The following RANBP2 variants were observed in gnomAD, a reference collection of about 807,000 sequenced individuals.
RANBP2 encodes E3 SUMO-protein ligase RanBP2.
In RANBP2, 57 loss-of-function variants were observed where a neutral mutation model predicts 303.6. The observed-to-expected ratio is 0.19, with a 90% CI of 0.15 to 0.23. The LOEUF is 0.23. Ranked by LOEUF, RANBP2 falls within the 10% of genes least tolerant of loss-of-function variation. The pLI is 1.00. For missense variants in RANBP2, 3,138 were observed against 3,780.8 expected (o/e 0.83, Z 4.46); for synonymous variants, 1,167 against 1,301.5 (o/e 0.90, Z 2.23).
At chr2:108,858,115 G>A in the RANBP2 span, among the ~76,000 whole-genome samples, 1 of 152,124 alleles carries the variant, frequency 6.6e-6, no homozygotes, top group Non-Finnish European at 1.5e-5. Context: ...AGGCCGAGGC[G>A]GGCAGATCAC....
chr2:109,682,328 G>T, the RANBP2 span, among the ~76,000 whole-genome samples: 18 of 152,122 alleles, frequency 1.2e-4, no homozygotes, highest in Admixed American at 6.5e-4. Context: ...TATTGCACGA[G>T]ATGTACTTAT....
the RANBP2 span, among the ~76,000 whole-genome samples, chr2:109,095,673 C>T: frequency 2.6e-5 from 4 of 152,130 alleles, no homozygotes; most frequent in Non-Finnish European, 5.9e-5. Flanking sequence ...GTCCAAACAA[C>T]AGGGGTTTCT....
chr2:108,853,978 TATATA>T, the RANBP2 span, among the ~76,000 whole-genome samples: 2 of 12,746 alleles, frequency 1.6e-4, no homozygotes, highest in Non-Finnish European at 2.8e-4. Context: ...ATATATATAA[TATATA>T]ATATATAATA....
the RANBP2 span, among the ~76,000 whole-genome samples, chr2:109,476,232 C>A: frequency 6.6e-6 from 1 of 152,214 alleles, no homozygotes; most frequent in South Asian, 2.1e-4. Context: ...ACCAGGCCTG[C>A]TAGCACCCAC....
At chr2:109,661,189 C>G in the RANBP2 span, among the ~76,000 whole-genome samples, 3 of 152,032 alleles carry the variant, frequency 2.0e-5, no homozygotes, top group African/African-American at 7.2e-5. Context: ...TCCTGTTTGC[C>G]CTGTCAATGC....
the RANBP2 span, among the ~76,000 whole-genome samples, chr2:108,845,664 C>T: frequency 4.8e-3 from 734 of 151,550 alleles, 7 homozygotes; most frequent in South Asian, 0.023. Flanking sequence ...CTCCGCCTCC[C>T]GTGTTCACAC....
intron 12 of RANBP2, among the ~76,000 whole-genome samples, 197 bp downstream of exon 12, chr2:108,752,191 G>A (rs1389721755): frequency 6.6e-6 from 1 of 151,720 alleles, no homozygotes; most frequent in East Asian, 1.9e-4. Flanking sequence ...CACAGTGAAT[G>A]TTACATATTA....
At chr2:109,699,451 A>G in the RANBP2 span, among the ~76,000 whole-genome samples, 1 of 152,342 alleles carries the variant, frequency 6.6e-6, no homozygotes, top group South Asian at 2.1e-4. Flanking sequence ...CAAAAGCCTT[A>G]CCAATGACCA....
At chr2:109,216,068 C>T in the RANBP2 span, among the ~76,000 whole-genome samples, 1 of 152,282 alleles carries the variant, frequency 6.6e-6, no homozygotes, top group African/African-American at 2.4e-5. Flanking sequence ...GCCAAGCAGT[C>T]AGTCTGAAGA....
chr2:108,755,970 C>T (rs1573785418), intron 17 of RANBP2, among the ~76,000 whole-genome samples: 2 of 151,634 alleles, frequency 1.3e-5, no homozygotes, highest in South Asian at 2.1e-4. Flanking sequence ...GTGATCTGCC[C>T]GCCTTGGCCT....
chr2:109,446,415 A>G, the RANBP2 span, among the ~76,000 whole-genome samples: 20 of 152,212 alleles, frequency 1.3e-4, no homozygotes, highest in Admixed American at 5.2e-4. Flanking sequence ...GGGACAGGCA[A>G]TGAATAATCA....
At chr2:109,324,057 A>G in the RANBP2 span, among the ~76,000 whole-genome samples, 16 of 152,244 alleles carry the variant, frequency 1.1e-4, no homozygotes, top group African/African-American at 3.6e-4. Context: ...ATGGAAGCAG[A>G]TAATATGTGG....
At chr2:109,229,644 GGAA>G in the RANBP2 span, among the ~76,000 whole-genome samples, 2 of 152,122 alleles carry the variant, frequency 1.3e-5, no homozygotes, top group South Asian at 4.2e-4. Context: ...TCCAGGGTCA[GGAA>G]GGCCCCAGAT....
At chr2:109,197,201 C>G in the RANBP2 span, among the ~76,000 whole-genome samples, 1 of 152,192 alleles carries the variant, frequency 6.6e-6, no homozygotes, top group Admixed American at 6.5e-5. Context: ...TGTTGCCCTT[C>G]CTGCCAACTC....
chr2:109,226,634 T>G, the RANBP2 span, among the ~76,000 whole-genome samples: 1 of 152,224 alleles, frequency 6.6e-6, no homozygotes, highest in South Asian at 2.1e-4. Flanking sequence ...TGAGTGTTTC[T>G]TGGTCTGCCA....
chr2:109,202,287 G>C, the RANBP2 span, among the ~76,000 whole-genome samples: 2 of 152,150 alleles, frequency 1.3e-5, no homozygotes. Context: ...TCTCGGCAGC[G>C]TCTGGACCCC....
intron 1 of RANBP2, among the ~76,000 whole-genome samples, chr2:108,721,045 A>AAAAAAC (rs961003241): frequency 6.6e-5 from 10 of 152,184 alleles, no homozygotes; most frequent in East Asian, 1.9e-4. Context: ...GGAGACTCCA[A>AAAAAAC]AAAAACAAAA....
the RANBP2 span, among the ~76,000 whole-genome samples, chr2:109,681,745 C>T: frequency 9.8e-3 from 1,491 of 152,328 alleles, 23 homozygotes; most frequent in African/African-American, 0.031. Context: ...GGGCAACTGG[C>T]CCCAACATGT....
At chr2:109,501,733 C>T in the RANBP2 span, 2 of 698,058 alleles carry the variant, frequency 2.9e-6, no homozygotes, top group Non-Finnish European at 5.3e-6. Flanking sequence ...CTCCACGGCA[C>T]ACAGAGAGGG....
Sources: allele counts gnomAD v4.1 joint callset (sites outside exome capture counted in the v4.1 genomes callset), GRCh38; gene constraint gnomAD v4.1.1; transcripts MANE v1.5; gene names NCBI Gene and HGNC (gene_info 2026-07-23, HGNC 2026-07-21).